The following KCND2 variants were observed in gnomAD, a reference collection of about 807,000 sequenced individuals.
The protein encoded by KCND2 is A-type voltage-gated potassium channel KCND2.
In KCND2, 16 loss-of-function variants were observed where a neutral mutation model predicts 54.4. The observed-to-expected ratio is 0.29, with a 90% CI of 0.20 to 0.45. The LOEUF is 0.45. Among genes scored for constraint, KCND2 ranks in the 20% least tolerant of loss-of-function variants. The pLI, the probability that KCND2 is intolerant of heterozygous loss-of-function variation, is 1.00. For synonymous variants in KCND2, 317 were observed against 310.7 expected (o/e 1.02, Z -0.21); for missense variants, 486 against 824.2 (o/e 0.59, Z 5.02).
At chr7:120,453,315 G>A (rs551494557) in intron 1 of KCND2, among the ~76,000 whole-genome samples, 1 of 152,254 alleles carries the variant, frequency 6.6e-6, no homozygotes, top group South Asian at 2.1e-4. Flanking sequence ...ATTGTTGGCA[G>A]GAGCACACAT....
At chr7:120,293,514 C>T (rs1799466678) in intron 1 of KCND2, among the ~76,000 whole-genome samples, 1 of 151,886 alleles carries the variant, frequency 6.6e-6, no homozygotes, top group South Asian at 2.1e-4. Flanking sequence ...CCAGGAGGCT[C>T]ATTATTGATG....
At chr7:120,446,682 A>G (rs890406442) in intron 1 of KCND2, among the ~76,000 whole-genome samples, 1 of 152,192 alleles carries the variant, frequency 6.6e-6, no homozygotes, top group African/African-American at 2.4e-5. Flanking sequence ...AAATGAGTGC[A>G]TATTTCCCCT....
chr7:120,570,052 G>A (rs754503480), intron 1 of KCND2, among the ~76,000 whole-genome samples: 2 of 152,094 alleles, frequency 1.3e-5, no homozygotes, highest in Non-Finnish European at 2.9e-5. Context: ...GTCCCTTTTT[G>A]TGTAAATATT....
chr7:120,450,998 A>G (rs1456889147), intron 1 of KCND2, among the ~76,000 whole-genome samples: 1 of 152,036 alleles, frequency 6.6e-6, no homozygotes. Flanking sequence ...TCCTGGACTC[A>G]TTTTCCCTCT....
chr7:120,440,954 G>A (rs561332126), intron 1 of KCND2, among the ~76,000 whole-genome samples: 2 of 152,088 alleles, frequency 1.3e-5, no homozygotes, highest in African/African-American at 4.8e-5. Context: ...TGGTTGAACA[G>A]TAGTTAGGAA....
At chr7:120,640,829 G>T (rs937291865) in intron 1 of KCND2, among the ~76,000 whole-genome samples, 1 of 151,992 alleles carries the variant, frequency 6.6e-6, no homozygotes, top group Non-Finnish European at 1.5e-5. Context: ...TTTCTCCTGG[G>T]GTGCTTCTCC....
chr7:120,421,473 G>A (rs1226235698), intron 1 of KCND2, among the ~76,000 whole-genome samples: 12 of 152,180 alleles, frequency 7.9e-5, no homozygotes, highest in Admixed American at 3.3e-4. Flanking sequence ...ATGGAAACAT[G>A]AACACATTCA....
rs192511209 is a variant in KCND2, at chr7:120,452,353, G to T, written c.1115+176606G>T. ...ATTGAGTGAAATAAGATATTTAAAAGGCACTTACACTCGGAGCCAAGATAG... is the reference window on the plus strand; with the variant it reads ...ATTGAGTGAAATAAGATATTTAAAATGCACTTACACTCGGAGCCAAGATAG... On this transcript the variant is annotated intron_variant, in intron 1 of 5. Coordinates refer to ENST00000331113, the MANE Select transcript of KCND2 (RefSeq NM_012281.3). Among the ~76,000 whole-genome samples the T allele has an allele frequency of 2.6e-3, 394 of 152,284 alleles. 6 individuals carry two copies. Among genetic ancestry groups the T allele is most frequent in the Admixed American group, 0.012 (188 of 15,306 alleles).
intron 1 of KCND2, among the ~76,000 whole-genome samples, chr7:120,528,354 G>C (rs190311844): frequency 4.8e-4 from 73 of 152,178 alleles, no homozygotes; most frequent in Non-Finnish European, 1.6e-4. Flanking sequence ...GTTTTTTAAA[G>C]TGATTTATTA....
At chr7:120,312,300 A>T (rs968102297) in intron 1 of KCND2, among the ~76,000 whole-genome samples, 6 of 152,092 alleles carry the variant, frequency 3.9e-5, no homozygotes, top group Non-Finnish European at 7.4e-5. Context: ...ATGGGCATTT[A>T]GGTTGATTTT....
At chr7:120,335,679 G>A (rs1584735706) in intron 1 of KCND2, among the ~76,000 whole-genome samples, 1 of 151,884 alleles carries the variant, frequency 6.6e-6, no homozygotes, top group African/African-American at 2.4e-5. Flanking sequence ...TAGAGATGGG[G>A]TTTCACCGTG....
rs764081621 is a variant in KCND2 at position 120,275,727 on chromosome 7, C to T, written c.1095C>T (p.Ile365=). 32 of 1,600,550 alleles carry T rather than the reference C, an allele frequency of 2.0e-5. No homozygotes were observed. Among genetic ancestry groups the T allele is most frequent in the Non-Finnish European group, 2.5e-5 (30 of 1,179,950 alleles). Residue 365 remains isoleucine, a synonymous_variant, in exon 1 of 6, where the codon ATC becomes ATT. Coordinates refer to ENST00000331113, the MANE Select transcript of KCND2 (RefSeq NM_012281.3). The part of the protein sequence containing the change: ...TSIPAAFWYT[I]VTMTTLGYGD... ...TCCCTGCAGCCTTCTGGTATACCAT[C>T]GTCACCATGACAACACTAGGGTAGG...
intron 1 of KCND2, among the ~76,000 whole-genome samples, chr7:120,517,579 G>T (rs1803214651): frequency 6.6e-6 from 1 of 152,038 alleles, no homozygotes; most frequent in African/African-American, 2.4e-5. Flanking sequence ...GAACCTCTCA[G>T]TGTACAAAGT....
chr7:120,745,839 T>C lies in KCND2; in HGVS notation c.1527T>C (p.Val509=), dbSNP rs761185191. ...FEESCMEVAT[V]NRPSSHSPSL... ...AAAGCTGCATGGAAGTTGCAACTGT[T>C]AATCGTCCTTCAAGTCACAGTCCTT... The change falls in exon 5 of 6, where the codon GTT becomes GTC. Residue 509 remains valine, a synonymous_variant. Transcript: ENST00000331113. 1.9e-6 allele frequency: 3 copies of C among 1,613,718 alleles called. No individual in the cohort carries two copies. Among genetic ancestry groups the C allele is most frequent in the Non-Finnish European group, 2.5e-6 (3 of 1,179,676 alleles).
At chr7:120,654,490 C>T (rs1283603874) in intron 1 of KCND2, among the ~76,000 whole-genome samples, 1 of 152,144 alleles carries the variant, frequency 6.6e-6, no homozygotes, top group Non-Finnish European at 1.5e-5. Context: ...ATTCTGCAGA[C>T]ATATTGGCCA....
intron 1 of KCND2, among the ~76,000 whole-genome samples, chr7:120,425,241 A>T (rs1479968335): frequency 1.3e-5 from 2 of 152,210 alleles, no homozygotes; most frequent in African/African-American, 4.8e-5. Context: ...GTTACTAGAA[A>T]TGCAGCTTGC....
intron 1 of KCND2, among the ~76,000 whole-genome samples, chr7:120,731,549 A>G (rs1326401132): frequency 6.6e-6 from 1 of 152,202 alleles, no homozygotes; most frequent in Non-Finnish European, 1.5e-5. Context: ...TTGGAGGCAA[A>G]ACTGAGGAGT....
At chr7:120,745,431 C>G (rs1392025685) in intron 4 of KCND2, among the ~76,000 whole-genome samples, 1 of 151,718 alleles carries the variant, frequency 6.6e-6, no homozygotes, top group Non-Finnish European at 1.5e-5. Context: ...TTCTAATTTC[C>G]CTGTGGGTTT....
At chr7:120,448,063 G>T (rs1250142522) in intron 1 of KCND2, among the ~76,000 whole-genome samples, 2 of 152,134 alleles carry the variant, frequency 1.3e-5, no homozygotes, top group Non-Finnish European at 2.9e-5. Flanking sequence ...AAGTTCTAGG[G>T]TACATGTGCA....
Sources: allele counts gnomAD v4.1 joint callset (sites outside exome capture counted in the v4.1 genomes callset), GRCh38; gene constraint gnomAD v4.1.1; transcripts MANE v1.5; gene names NCBI Gene and HGNC (gene_info 2026-07-23, HGNC 2026-07-21).